Variants in EPM2A observed in about 807,000 individuals in gnomAD.
EPM2A encodes laforin.
Under a neutral mutation model 26.5 loss-of-function variants are expected in EPM2A, and 21 were observed. The ratio of observed to expected loss-of-function variants is 0.79; its 90% CI spans 0.56 to 1.14. The LOEUF (loss-of-function observed/expected upper bound fraction) is 1.14, where lower values mean the gene tolerates loss of function less well. Ranked by LOEUF, EPM2A falls within the 50% of genes most tolerant of loss-of-function variation. The pLI, the probability that EPM2A is intolerant of heterozygous loss-of-function variation, is 0.00. For synonymous variants in EPM2A, 217 were observed against 177.6 expected (o/e 1.22, Z -1.76); for missense variants, 458 against 440.8 (o/e 1.04, Z -0.35).
At chr6:145,699,736 T>C (rs929231982) in intron 1 of EPM2A, among the ~76,000 whole-genome samples, 1 of 152,182 alleles carries the variant, frequency 6.6e-6, no homozygotes, top group African/African-American at 2.4e-5. Flanking sequence ...ACAACTGGAT[T>C]TCATGACTTG....
At chr6:145,450,806 A>G (rs1283302595) in intron 4 of EPM2A, among the ~76,000 whole-genome samples, 1 of 152,140 alleles carries the variant, frequency 6.6e-6, no homozygotes, top group African/African-American at 2.4e-5. Context: ...AGTAAGCTGG[A>G]ATAACTATAG....
At chr6:145,570,537 G>C in intron 2 of EPM2A, among the ~76,000 whole-genome samples, 1 of 152,320 alleles carries the variant, frequency 6.6e-6, no homozygotes, top group African/African-American at 2.4e-5. Context: ...TTTAACAAAA[G>C]AAGCAGGAAA....
downstream of EPM2A, among the ~76,000 whole-genome samples, chr6:145,499,107 G>C (rs1779857073): frequency 6.6e-6 from 1 of 152,016 alleles, no homozygotes; most frequent in Admixed American, 6.6e-5. Flanking sequence ...ATACAAATCT[G>C]ATTATGGGTA....
intron 1 of EPM2A, among the ~76,000 whole-genome samples, chr6:145,704,048 C>T (rs1336319824): frequency 6.6e-6 from 1 of 152,176 alleles, no homozygotes; most frequent in Admixed American, 6.5e-5. Flanking sequence ...TTATTTTTAA[C>T]TACTTTTAAT....
At chr6:145,634,302 A>T (rs1197878682) in intron 3 of EPM2A, among the ~76,000 whole-genome samples, 1 of 152,104 alleles carries the variant, frequency 6.6e-6, no homozygotes, top group African/African-American at 2.4e-5. Context: ...TAAAATCCCT[A>T]TCATTCCTCT....
chr6:145,627,540 T>C lies in EPM2A; in HGVS notation c.872A>G (p.Lys291Arg). ...LQYVMGWNLR[K>R]VQYFLMAKRP... ...CTTGGCCATGAGGAAATACTGCACCTTCCTCAGATTCCAGCCCATCACATA... is the reference window on the plus strand; with the variant it reads ...CTTGGCCATGAGGAAATACTGCACCCTCCTCAGATTCCAGCCCATCACATA... Residue 291 changes from lysine to arginine, a missense_variant, in exon 4 of 4, where the codon AAG becomes AGG. Lys to Arg is a conservative substitution (Grantham distance 26). Coordinates refer to ENST00000367519, the MANE Select transcript of EPM2A (RefSeq NM_005670.4). The C allele has an allele frequency of 6.2e-7, 1 of 1,614,244 alleles. No individual in the cohort carries two copies. The highest frequency in any genetic ancestry group is 8.5e-7 in the Non-Finnish European group (1 of 1,180,032).
At chr6:145,389,124 A>C (rs1011761862) in intron 4 of EPM2A, among the ~76,000 whole-genome samples, 1 of 151,896 alleles carries the variant, frequency 6.6e-6, no homozygotes, top group Non-Finnish European at 1.5e-5. Context: ...AATTGGGCCT[A>C]CCTTCACATC....
At chr6:145,624,444 A>G (rs1237859272), downstream of EPM2A, among the ~76,000 whole-genome samples, 1 of 152,092 alleles carries the variant, frequency 6.6e-6, no homozygotes, top group Non-Finnish European at 1.5e-5. Flanking sequence ...CCCACTAACA[A>G]TACTGTCTGC....
chr6:145,386,147 T>C (rs912634844), intron 4 of EPM2A, among the ~76,000 whole-genome samples: 2 of 152,140 alleles, frequency 1.3e-5, no homozygotes, highest in African/African-American at 4.8e-5. Context: ...TAGTAAACTA[T>C]ATTCAGATAC....
At chr6:145,457,376 C>T (rs1325460624) in intron 4 of EPM2A, among the ~76,000 whole-genome samples, 2 of 149,434 alleles carry the variant, frequency 1.3e-5, no homozygotes, top group South Asian at 2.1e-4. Context: ...CCCAGCTACT[C>T]GGGAGGCTGA....
At chr6:145,582,337 G>A (rs1358318052) in intron 2 of EPM2A, among the ~76,000 whole-genome samples, 1 of 152,110 alleles carries the variant, frequency 6.6e-6, no homozygotes, top group Non-Finnish European at 1.5e-5. Flanking sequence ...TAAATTTGCT[G>A]AGAATTGTCT....
chr6:145,426,213 A>T (rs1007303911), intron 4 of EPM2A, among the ~76,000 whole-genome samples: 5 of 152,134 alleles, frequency 3.3e-5, no homozygotes, highest in African/African-American at 1.2e-4. Flanking sequence ...GGGACCCATC[A>T]CTTTTTCCTC....
chr6:145,457,386 A>G (rs1290773997), intron 4 of EPM2A, among the ~76,000 whole-genome samples: 1 of 150,436 alleles, frequency 6.6e-6, no homozygotes, highest in Non-Finnish European at 1.5e-5. Flanking sequence ...CGGGAGGCTG[A>G]GGCAGGAGAA....
intron 2 of EPM2A, among the ~76,000 whole-genome samples, chr6:145,511,849 A>G (rs1471009987): frequency 6.6e-6 from 1 of 152,218 alleles, no homozygotes; most frequent in Non-Finnish European, 1.5e-5. Flanking sequence ...ACATGATCAC[A>G]TACCTACAAA....
intron 4 of EPM2A, among the ~76,000 whole-genome samples, chr6:145,463,948 T>A (rs1208077808): frequency 2.0e-5 from 3 of 151,652 alleles, no homozygotes; most frequent in African/African-American, 7.3e-5. Flanking sequence ...TGGTGGGAGG[T>A]GATTGGATCA....
intron 4 of EPM2A, among the ~76,000 whole-genome samples, chr6:145,488,455 A>G (rs1469687007): frequency 1.4e-5 from 2 of 146,866 alleles, no homozygotes; most frequent in Non-Finnish European, 3.0e-5. Flanking sequence ...TGAGTATGGA[A>G]TGTTTTCCCA....
intron 4 of EPM2A, among the ~76,000 whole-genome samples, chr6:145,412,621 G>C (rs1019344079): frequency 6.6e-6 from 1 of 152,100 alleles, no homozygotes; most frequent in African/African-American, 2.4e-5. Flanking sequence ...AAAGTATGGG[G>C]ATCTTTTCAG....
chr6:145,385,700 C>A (rs762762698), intron 4 of EPM2A, among the ~76,000 whole-genome samples: 2 of 152,054 alleles, frequency 1.3e-5, no homozygotes, highest in Admixed American at 6.6e-5. Context: ...TCTTAAAAAA[C>A]CTTCATCGTA....
chr6:145,698,910 C>T (rs1177995635), intron 1 of EPM2A, among the ~76,000 whole-genome samples: 1 of 152,158 alleles, frequency 6.6e-6, no homozygotes, highest in Non-Finnish European at 1.5e-5. Flanking sequence ...CAGATGGTGG[C>T]TATCTGCAAG....
Sources: gnomAD v4.1 joint callset for allele counts (sites outside exome capture counted in the v4.1 genomes callset) on GRCh38, gnomAD v4.1.1 for gene constraint, MANE v1.5 for transcripts, NCBI Gene and HGNC (gene_info 2026-07-23, HGNC 2026-07-21) for gene names.